The following PTPN14 variants were observed in gnomAD, a reference collection of about 807,000 sequenced individuals.
PTPN14 encodes the protein protein tyrosine phosphatase non-receptor type 14, also known as tyrosine-protein phosphatase non-receptor type 14.
PTPN14 carries 53 observed loss-of-function variants against 126.8 expected under a neutral mutation model. The ratio of observed to expected loss-of-function variants is 0.42; its 90% CI spans 0.34 to 0.53. The LOEUF (loss-of-function observed/expected upper bound fraction) is 0.53. Ranked by LOEUF, PTPN14 falls within the 20% of genes least tolerant of loss-of-function variation. The pLI is 0.08. For synonymous variants in PTPN14, 630 were observed against 599.3 expected, an observed-to-expected ratio of 1.05 and a Z score of -0.75; for missense variants, 1,257 against 1,552.9, an observed-to-expected ratio of 0.81 and a Z score of 3.20.
chr1:214,411,904 G>A (rs1437157833), intron 4 of PTPN14, among the ~76,000 whole-genome samples, 153 bp from the exon 5 acceptor site: 3 of 152,082 alleles, frequency 2.0e-5, no homozygotes, highest in Non-Finnish European at 4.4e-5. Flanking sequence ...GTTTGACATA[G>A]TTACTTTTAT....
At chr1:214,444,916 C>T (rs771122947) in intron 3 of PTPN14, among the ~76,000 whole-genome samples, 7 of 152,164 alleles carry the variant, frequency 4.6e-5, no homozygotes, top group Non-Finnish European at 7.4e-5. Flanking sequence ...TCACTTCACA[C>T]GCTGAAATGC....
chr1:214,508,719 C>G (rs192368323), intron 1 of PTPN14, among the ~76,000 whole-genome samples: 1 of 152,312 alleles, frequency 6.6e-6, no homozygotes, highest in Non-Finnish European at 1.5e-5. Context: ...GAAACACTAT[C>G]TACGGCAGCT....
At chr1:214,480,151 A>G (rs1389988693) in intron 1 of PTPN14, among the ~76,000 whole-genome samples, 2 of 152,268 alleles carry the variant, frequency 1.3e-5, no homozygotes, top group African/African-American at 4.8e-5. Context: ...TGATTCTTTC[A>G]TTGGAATAGA....
chr1:214,498,453 G>C (rs1337861867), intron 1 of PTPN14, among the ~76,000 whole-genome samples: 1 of 152,074 alleles, frequency 6.6e-6, no homozygotes, highest in Non-Finnish European at 1.5e-5. Flanking sequence ...GAAACTAAAA[G>C]TTCCTCAGAT....
At chr1:214,485,592 A>G (rs1661091621) in intron 1 of PTPN14, among the ~76,000 whole-genome samples, 1 of 152,224 alleles carries the variant, frequency 6.6e-6, no homozygotes, top group Non-Finnish European at 1.5e-5. Context: ...CAACTGACCT[A>G]GACTTCCAAC....
intron 1 of PTPN14, among the ~76,000 whole-genome samples, chr1:214,481,261 C>T (rs1054939804): frequency 1.3e-5 from 2 of 152,074 alleles, no homozygotes; most frequent in Admixed American, 1.3e-4. Flanking sequence ...ATCCCCAGCA[C>T]TTTGGGAGGC....
chr1:214,371,683 A>G (rs1658222315), intron 16 of PTPN14, among the ~76,000 whole-genome samples: 1 of 152,184 alleles, frequency 6.6e-6, no homozygotes, highest in South Asian at 2.1e-4. Flanking sequence ...CAATGGTGTG[A>G]GCTGATAAGG....
chr1:214,390,050 C>T (rs541757287), intron 11 of PTPN14, among the ~76,000 whole-genome samples: 9 of 152,266 alleles, frequency 5.9e-5, no homozygotes, highest in Admixed American at 4.6e-4. Context: ...TTTCTCAAAA[C>T]GCTCCCTTCA....
intron 7 of PTPN14, among the ~76,000 whole-genome samples, chr1:214,399,915 C>T (rs966078135): frequency 3.3e-5 from 5 of 152,028 alleles, no homozygotes; most frequent in Admixed American, 3.3e-4. Context: ...TTTCTAGATG[C>T]ATCTTTTTGT....
intron 2 of PTPN14, among the ~76,000 whole-genome samples, chr1:214,458,833 T>C (rs1292505026): frequency 6.6e-6 from 1 of 152,160 alleles, no homozygotes; most frequent in Non-Finnish European, 1.5e-5. Flanking sequence ...CCAGATATCC[T>C]ATCTCCTCTG....
At chr1:214,532,605 A>G in intron 1 of PTPN14, 1 of 947,614 alleles carries the variant, frequency 1.1e-6, no homozygotes, top group Admixed American at 1.7e-5. Flanking sequence ...CTCAGATCTT[A>G]GCAAATACTG....
intron 2 of PTPN14, among the ~76,000 whole-genome samples, 163 bp from the exon 3 acceptor site, chr1:214,452,137 C>T (rs566826329): frequency 6.6e-6 from 1 of 152,350 alleles, no homozygotes; most frequent in African/African-American, 2.4e-5. Flanking sequence ...AAAGAAACCA[C>T]AACCACACAC....
rs10585995 is a variant in PTPN14, at chr1:214,464,181, GTTT to G, written c.174+446_174+448del. ...ATGCTTTTTCTCTTTATTCGGTGGG[GTTT>G]TTTTTTTTTTAGAGGAAAATATAGA... On this transcript the variant is annotated intron_variant, in intron 2 of 18. Coordinates refer to ENST00000366956, the MANE Select transcript of PTPN14 (RefSeq NM_005401.5). Among the ~76,000 whole-genome samples, 103 of 136,354 alleles carry G rather than the reference GTTT, an allele frequency of 7.6e-4. No individual in the cohort carries two copies. The East Asian group carries it at 0.011, about 15-fold the overall frequency. 89.5% of individuals were successfully genotyped at this position (136,354 alleles called of 152,430 possible).
intron 7 of PTPN14, among the ~76,000 whole-genome samples, chr1:214,399,674 C>T (rs1658971096): frequency 1.3e-5 from 2 of 152,120 alleles, no homozygotes; most frequent in South Asian, 4.1e-4. Flanking sequence ...TTCTTCAGTG[C>T]AGGGATATTT....
Position 214,384,226 on chromosome 1 carries a change from G to A in PTPN14, c.1629C>T (p.Ala543=). 1 of 1,613,602 alleles carries A rather than the reference G, an allele frequency of 6.2e-7. No individual in the cohort carries two copies. The highest frequency in any genetic ancestry group is 1.7e-5 in the Admixed American group (1 of 60,012). Residue 543 remains alanine, a synonymous_variant, in exon 13 of 19, where the codon GCC becomes GCT. Transcript: ENST00000366956. The surrounding 1 kb of genome is among the most constrained non-coding windows in gnomAD (Gnocchi z 5.3). ...TATGGCTGCCCTGCAGCTGCATGTTGGCCAGCTCTGGGGTGCTCACCGTGT... is the reference window on the plus strand; with the variant it reads ...TATGGCTGCCCTGCAGCTGCATGTTAGCCAGCTCTGGGGTGCTCACCGTGT... ...ISHTVSTPEL[A]NMQLQGSHNY... is the part of the protein sequence containing the mutation.
At chr1:214,421,496 A>C (rs142464370) in intron 3 of PTPN14, among the ~76,000 whole-genome samples, 15 of 152,304 alleles carry the variant, frequency 9.8e-5, no homozygotes, top group African/African-American at 3.6e-4. Flanking sequence ...TGTATACTTT[A>C]AAGTGGTTAA....
At position 214,517,522 on chromosome 1, in the gene PTPN14, A is replaced by C. The variant is rs144210883; in HGVS notation, c.-155+33661T>G. ...AAAAACATAAAGTAAGAAATACCCA[A>C]AAATCTAATCATAGCACTAGCCAGA... On this transcript the variant is annotated intron_variant, in intron 1 of 18. Coordinates refer to ENST00000366956, the MANE Select transcript of PTPN14 (RefSeq NM_005401.5). Among the ~76,000 whole-genome samples, 713 of 152,098 alleles carry C rather than the reference A, an allele frequency of 4.7e-3. 3 individuals carry two copies. The highest frequency in any genetic ancestry group is 0.016 in the African/African-American group (675 of 41,462).
rs1250451328 is a variant in PTPN14 at position 214,386,876 on chromosome 1, C to T, written c.1034G>A (p.Gly345Asp). The T allele has an allele frequency of 6.2e-7, 1 of 1,609,128 alleles. No homozygotes were observed. Among genetic ancestry groups the T allele is most frequent in the Non-Finnish European group, 8.5e-7 (1 of 1,175,824 alleles). The change falls in exon 12 of 19, where the codon GGT (glycine) becomes GAT (aspartate). Residue 345 changes from glycine (G) to aspartate (D), a missense_variant. By Grantham distance (94) the Gly-to-Asp change is moderately conservative. Around this residue, in one of 3 missense-constraint regions of PTPN14, gnomAD observed 1,021 missense variants for 1,183.3 expected, o/e 0.86. Coordinates refer to ENST00000366956, the MANE Select transcript of PTPN14 (RefSeq NM_005401.5). ...YILPPVHVQC[G>D]EHYSETHTSQ... ...GGTGTGCGTTTCCGAGTAGTGCTCA[C>T]CACACTGGACGTGAACGGGAGGCAG...
intron 1 of PTPN14, among the ~76,000 whole-genome samples, chr1:214,495,178 T>G (rs1661332327): frequency 1.3e-5 from 2 of 152,224 alleles, no homozygotes; most frequent in Non-Finnish European, 1.5e-5. Context: ...TATGTTTGAA[T>G]TTCAGCCAAC....
Sources: allele counts gnomAD v4.1 joint callset (sites outside exome capture counted in the v4.1 genomes callset), GRCh38; gene constraint gnomAD v4.1.1; regional missense constraint gnomAD v4.1.1; non-coding constraint Gnocchi (gnomAD v3.1); transcripts MANE v1.5; gene names NCBI Gene and HGNC (gene_info 2026-07-23, HGNC 2026-07-21).